Variants in GSE1 observed in about 807,000 individuals in gnomAD.
GSE1 encodes the protein Gse1 coiled-coil protein, also known as genetic suppressor element 1.
GSE1 carries 32 observed loss-of-function variants against 112.6 expected under a neutral mutation model. That is an observed-to-expected ratio of 0.28 (90% CI 0.21 to 0.38). The LOEUF (loss-of-function observed/expected upper bound fraction) is 0.38. Among genes scored for constraint, GSE1 ranks in the 10% least tolerant of loss-of-function variants. The probability of loss-of-function intolerance (pLI) is 1.00; values close to 1 mark genes in which losing one functional copy is unlikely to be tolerated. For synonymous variants in GSE1, 1,115 were observed against 735.6 expected (o/e 1.52, Z -8.35); for missense variants, 2,348 against 1,699.2 (o/e 1.38, Z -6.71).
intron 2 of GSE1, among the ~76,000 whole-genome samples, chr16:85,449,355 G>T (rs2151798683): frequency 6.6e-6 from 1 of 152,356 alleles, no homozygotes; most frequent in East Asian, 1.9e-4. Flanking sequence ...GCCAAGGGAT[G>T]GCTGGGAAAC....
chr16:85,655,058 G>A (rs931684647), intron 5 of GSE1, 67 bp downstream of exon 5: 95 of 1,041,344 alleles, frequency 9.1e-5, no homozygotes, highest in Non-Finnish European at 1.2e-4. Flanking sequence ...GGAACCTGGC[G>A]GGGAAGGTGT....
chr16:85,635,522 A>G (rs1337018725), intron 2 of GSE1, among the ~76,000 whole-genome samples: 1 of 152,192 alleles, frequency 6.6e-6, no homozygotes, highest in East Asian at 1.9e-4. Context: ...GGGGCGGTGA[A>G]CAAGGCAGCT....
intron 1 of GSE1, among the ~76,000 whole-genome samples, chr16:85,258,785 C>G (rs369856103): frequency 6.6e-6 from 1 of 152,204 alleles, no homozygotes; most frequent in Non-Finnish European, 1.5e-5. Flanking sequence ...GTCAGGCCCG[C>G]GAAGGGAGCT....
chr16:85,428,982 G>C (rs28512262), intron 2 of GSE1, among the ~76,000 whole-genome samples: 26,983 of 152,118 alleles, frequency 0.18, 2,820 homozygotes, highest in East Asian at 0.5. Context: ...CAGCCACCTT[G>C]GAGAATCTCA....
At chr16:85,366,910 A>T (rs1477136798) in intron 2 of GSE1, among the ~76,000 whole-genome samples, 1 of 152,218 alleles carries the variant, frequency 6.6e-6, no homozygotes, top group Non-Finnish European at 1.5e-5. Context: ...AAAAGACGAG[A>T]TTGGCTGAGT....
intron 10 of GSE1, 120 bp from the exon 11 acceptor site, chr16:85,663,224 T>C: frequency 2.3e-6 from 3 of 1,330,444 alleles, no homozygotes; most frequent in Non-Finnish European, 3.2e-6. Flanking sequence ...GAAGCTCTTC[T>C]CCCACCAGGC....
intron 2 of GSE1, among the ~76,000 whole-genome samples, chr16:85,483,579 C>T (rs1225547376): frequency 3.9e-5 from 6 of 152,270 alleles, no homozygotes; most frequent in Non-Finnish European, 7.3e-5. Flanking sequence ...CCCAGGCCCC[C>T]GGCCACTGTC....
chr16:85,351,165 G>A (rs1359134269), intron 1 of GSE1, among the ~76,000 whole-genome samples: 1 of 152,204 alleles, frequency 6.6e-6, no homozygotes, highest in Non-Finnish European at 1.5e-5. Flanking sequence ...CTACAGAGGA[G>A]GCCGGGAGAT....
chr16:85,366,390 C>G (rs967668026), intron 2 of GSE1, among the ~76,000 whole-genome samples: 1 of 152,276 alleles, frequency 6.6e-6, no homozygotes, highest in Non-Finnish European at 1.5e-5. Context: ...TCTCTTCATA[C>G]GTTTCCAGCT....
intron 2 of GSE1, among the ~76,000 whole-genome samples, chr16:85,361,892 C>G (rs560311507): frequency 1.3e-5 from 2 of 152,378 alleles, no homozygotes; most frequent in African/African-American, 4.8e-5. Context: ...GCTTATCAGA[C>G]TTGCGTCACT....
At position 85,373,933 on chromosome 16, in the gene GSE1, C is replaced by G. The variant is rs1177525418; in HGVS notation, c.2464+16290C>G. On this transcript the variant is annotated intron_variant, in intron 2 of 2. Transcript: ENST00000637419. The surrounding 1 kb of genome is among the most constrained non-coding windows in gnomAD (Gnocchi z 5.1). ...GGCCTCCCTCCCCGCTCCCCGCAGG[C>G]CCTGTCAGGTCAGCGGCGCCTTATC... Among the ~76,000 whole-genome samples, 1 of 152,164 alleles carries G rather than the reference C, an allele frequency of 6.6e-6. No homozygotes were observed. Among genetic ancestry groups the G allele is most frequent in the East Asian group, 1.9e-4 (1 of 5,194 alleles).
intron 1 of GSE1, among the ~76,000 whole-genome samples, chr16:85,257,866 A>G (rs1339331009): frequency 6.6e-6 from 1 of 152,232 alleles, no homozygotes; most frequent in East Asian, 1.9e-4. Context: ...CTCCCTGAGT[A>G]TCTGGGACGC....
At chr16:85,518,320 G>A (rs963431548) in intron 2 of GSE1, among the ~76,000 whole-genome samples, 1 of 152,188 alleles carries the variant, frequency 6.6e-6, no homozygotes, top group Non-Finnish European at 1.5e-5. Context: ...GGGGCAGATT[G>A]TGGAAGGAGA....
At chr16:85,298,227 C>T (rs922532035) in intron 1 of GSE1, among the ~76,000 whole-genome samples, 1 of 152,118 alleles carries the variant, frequency 6.6e-6, no homozygotes, top group Admixed American at 6.5e-5. Flanking sequence ...TGGTGCAGGG[C>T]CCTCTGAGTC....
At chr16:85,667,843 G>C (rs367883632) in intron 13 of GSE1, among the ~76,000 whole-genome samples, 2 of 152,284 alleles carry the variant, frequency 1.3e-5, no homozygotes, top group South Asian at 2.1e-4. Flanking sequence ...GCTACCCAGA[G>C]GACTGAGGGC....
At chr16:85,449,586 G>C (rs1214742486) in intron 2 of GSE1, among the ~76,000 whole-genome samples, 1 of 152,262 alleles carries the variant, frequency 6.6e-6, no homozygotes, top group African/African-American at 2.4e-5. Context: ...GGCAGCTCCT[G>C]CCCTCTCTTC....
At chr16:85,418,161 G>T (rs958439553) in intron 2 of GSE1, among the ~76,000 whole-genome samples, 3 of 152,230 alleles carry the variant, frequency 2.0e-5, no homozygotes, top group African/African-American at 4.8e-5. Context: ...TAACAATGCC[G>T]CCATTGGCCC....
At chr16:85,614,863 G>A (rs980495505) in intron 1 of GSE1, among the ~76,000 whole-genome samples, 2 of 152,218 alleles carry the variant, frequency 1.3e-5, no homozygotes, top group Non-Finnish European at 2.9e-5. Flanking sequence ...GGCTCCTTTT[G>A]TAAAAGGCGC....
At chr16:85,591,231 C>T (rs751697939) in intron 1 of GSE1, among the ~76,000 whole-genome samples, 16 of 152,188 alleles carry the variant, frequency 1.1e-4, no homozygotes, top group Non-Finnish European at 2.1e-4. Flanking sequence ...GTGTAGGGGC[C>T]TCTGTCGGGC....
Sources: gnomAD v4.1 joint callset for allele counts (sites outside exome capture counted in the v4.1 genomes callset) on GRCh38, gnomAD v4.1.1 for gene constraint, Gnocchi (gnomAD v3.1) non-coding constraint, MANE v1.5 for transcripts, NCBI Gene and HGNC (gene_info 2026-07-23, HGNC 2026-07-21) for gene names.